Variants in GGT7 observed in about 807,000 individuals in gnomAD.
GGT7 encodes glutathione hydrolase 7.
Under a neutral mutation model 69.2 loss-of-function variants are expected in GGT7, and 30 were observed. That is an observed-to-expected ratio of 0.43 (90% confidence interval 0.32 to 0.59). The LOEUF (loss-of-function observed/expected upper bound fraction) is 0.59, where lower values mean the gene tolerates loss of function less well. GGT7 is among the 20% of genes least tolerant of loss of function. The pLI is 0.05. For synonymous variants in GGT7, 388 were observed against 391.8 expected, an observed-to-expected ratio of 0.99 and a Z score of 0.12; for missense variants, 733 against 901.1, an observed-to-expected ratio of 0.81 and a Z score of 2.39.
intron 7 of GGT7, among the ~76,000 whole-genome samples, chr20:34,857,484 A>G (rs553938153): frequency 2.6e-5 from 4 of 152,244 alleles, no homozygotes; most frequent in African/African-American, 4.8e-5. Flanking sequence ...GTACAAACCA[A>G]TGGGCTCATT....
intron 1 of GGT7, among the ~76,000 whole-genome samples, chr20:34,871,750 G>A (rs2079782136): frequency 6.6e-6 from 1 of 152,232 alleles, no homozygotes. Flanking sequence ...GAGTGAGGTA[G>A]AAGGATGCTC....
chr20:34,862,450 G>A (rs2079613157), intron 3 of GGT7, among the ~76,000 whole-genome samples: 1 of 152,148 alleles, frequency 6.6e-6, no homozygotes, highest in Non-Finnish European at 1.5e-5. Flanking sequence ...TTGGAGGACA[G>A]AGGGTGCAAG....
Position 34,861,631 on chromosome 20 carries a change from C to T in GGT7, c.558-69G>A, listed in dbSNP as rs1208374242. ...CCCTCTGTACAATGAATCTGCTGCC[C>T]CTCCACCCCCAGTGGTGAGAGCTGT... On this transcript the variant is annotated intron_variant, in intron 3 of 14. Transcript: ENST00000336431. The T allele has an allele frequency of 1.3e-5, 12 of 935,422 alleles. 1 individual carries two copies. Among genetic ancestry groups the T allele is most frequent in the Middle Eastern group, 3.8e-4 (1 of 2,620 alleles). The allele number at this position is 935,422 out of a possible 1,614,324, so 57.9% of individuals were successfully genotyped here.
intron 14 of GGT7, among the ~76,000 whole-genome samples, chr20:34,847,039 TTTACC>T (rs1325440562): frequency 6.6e-6 from 1 of 152,196 alleles, no homozygotes; most frequent in Non-Finnish European, 1.5e-5. Context: ...CCCTACCATC[TTTACC>T]TTGTTTGGTT....
intron 3 of GGT7, among the ~76,000 whole-genome samples, chr20:34,861,936 C>G (rs11698996): frequency 0.27 from 40,449 of 152,090 alleles, 6,837 homozygotes; most frequent in Non-Finnish European, 0.37. Context: ...TTGCCCCTCC[C>G]CCAGGACTGG....
chr20:34,863,827 C>A lies in GGT7; in HGVS notation c.170-279G>T, dbSNP rs1482139668. The A allele has an allele frequency of 3.1e-6, 2 of 654,882 alleles. No individual in the cohort carries two copies. The highest frequency in any genetic ancestry group is 2.9e-6 in the Non-Finnish European group (1 of 346,710). The allele number at this position is 654,882 out of a possible 1,614,324, so 40.6% of individuals were successfully genotyped here. On this transcript the variant is annotated intron_variant, in intron 1 of 14. Coordinates refer to ENST00000336431, the MANE Select transcript of GGT7 (RefSeq NM_178026.3). This position sits in a 1 kb window ranked among gnomAD's most constrained non-coding sequence, Gnocchi z 4.4. The stretch of plus-strand genomic sequence containing the variant: ...GCCAAATTTCCTGGCACCCAGGGCC[C>A]AGGGCTGAGAACACTTCCTGGGGGG...
At chr20:34,848,486 T>C (rs1484183092) in intron 14 of GGT7, among the ~76,000 whole-genome samples, 1 of 152,184 alleles carries the variant, frequency 6.6e-6, no homozygotes. Context: ...CCAAATAACT[T>C]AGCACAGAGC....
At chr20:34,870,439 A>T (rs1205354586) in intron 1 of GGT7, among the ~76,000 whole-genome samples, 1 of 152,124 alleles carries the variant, frequency 6.6e-6, no homozygotes, top group Non-Finnish European at 1.5e-5. Context: ...TTCATTCAAC[A>T]ATTATTGAGT....
intron 10 of GGT7, 115 bp downstream of exon 10, chr20:34,854,416 G>A: frequency 1.6e-6 from 1 of 643,658 alleles, no homozygotes; most frequent in Non-Finnish European, 2.8e-6. Context: ...TTGGGGTTGA[G>A]CTGAAATTGA....
intron 14 of GGT7, among the ~76,000 whole-genome samples, chr20:34,849,663 C>T (rs923331817): frequency 2.0e-5 from 3 of 152,160 alleles, no homozygotes; most frequent in South Asian, 2.1e-4. Flanking sequence ...GGAACACGTA[C>T]GTGTTCAATA....
In GGT7 at chr20:34,854,600, G is replaced by A; in HGVS notation, c.1250C>T (p.Ala417Val). The change falls in exon 10 of 15, where the codon GCC (alanine) becomes GTC (valine). Residue 417 changes from alanine to valine, a missense_variant. Coordinates refer to ENST00000336431, the MANE Select transcript of GGT7 (RefSeq NM_178026.3). ...WVAETLKIALALASRLGDPVY... is the reference protein window; with the variant it reads ...WVAETLKIALVLASRLGDPVY... ...GGGATCTCCCAGTCTGCTGGCCAGG[G>A]CTAATGCAATCTTCAGGGTCTGAAA... The A allele has an allele frequency of 1.9e-6, 3 of 1,612,476 alleles. No homozygotes were observed. The highest frequency in any genetic ancestry group is 1.7e-6 in the Non-Finnish European group (2 of 1,178,598).
At chr20:34,867,187 A>G (rs913827337) in intron 1 of GGT7, among the ~76,000 whole-genome samples, 7 of 152,128 alleles carry the variant, frequency 4.6e-5, no homozygotes, top group Non-Finnish European at 1.0e-4. Flanking sequence ...AGCCTCCCAA[A>G]GTGTTGGGAT....
At position 34,852,379 on chromosome 20, in the gene GGT7, G is replaced by C; in HGVS notation, c.1469+10C>G. ...CCCTTGTTCCAGGTTCTGAGTCTGAGCTGGCATACCTAACCATGGCCACAA... is the reference window on the plus strand; with the variant it reads ...CCCTTGTTCCAGGTTCTGAGTCTGACCTGGCATACCTAACCATGGCCACAA... On this transcript the variant is annotated intron_variant, in intron 11 of 14. Transcript: ENST00000336431. 1.2e-6 allele frequency: 2 copies of C among 1,613,892 alleles called. No individual in the cohort carries two copies. Among genetic ancestry groups the C allele is most frequent in the Non-Finnish European group, 1.7e-6 (2 of 1,179,822 alleles).
rs753931550 is a variant in GGT7 at position 34,845,467 on chromosome 20, T to C, written c.1850A>G (p.Glu617Gly). 1.9e-6 allele frequency: 3 copies of C among 1,614,026 alleles called. No homozygotes were observed. The South Asian group carries it at 3.3e-5, about 18-fold the overall frequency. Residue 617 changes from glutamate (E) to glycine (G), a missense_variant, in exon 15 of 15, where the codon GAG becomes GGG. Physicochemically the swap from Glu to Gly is moderately conservative, Grantham distance 98. Transcript: ENST00000336431. ...GTGGTGACCCCTGGCTTCCAGGAAC[T>C]CAATCTCTTCCTCTGTGAACTCACC... The part of the protein sequence containing the change: ...VDSEFTEEEI[E>G]FLEARGHHVE...
At position 34,872,516 on chromosome 20, in the gene GGT7, GAGA is replaced by G. The variant is rs1465620658; in HGVS notation, c.169+128_169+130del. On this transcript the variant is annotated intron_variant, in intron 1 of 14. Transcript: ENST00000336431. ...CACCAAATAATTAACAGAGACAAGGGAGAAGAAGGGAGAGATCCAAGAAGATGG... is the reference window on the plus strand; with the variant it reads ...CACCAAATAATTAACAGAGACAAGGGAGAAGGGAGAGATCCAAGAAGATGG... 9 of 624,244 alleles carry G rather than the reference GAGA, an allele frequency of 1.4e-5. No individual in the cohort carries two copies. The East Asian group carries it at 2.1e-4, about 14-fold the overall frequency. 38.7% of individuals were successfully genotyped at this position (624,244 alleles called of 1,614,324 possible). A position where few individuals can be genotyped will look rare whatever the true frequency, so the allele number is the denominator to read the frequency against.
chr20:34,849,559 G>GT (rs2079355663), intron 14 of GGT7, among the ~76,000 whole-genome samples: 1 of 152,128 alleles, frequency 6.6e-6, no homozygotes, highest in Non-Finnish European at 1.5e-5. Context: ...TGCTTTGACA[G>GT]TTGGCAGAGC....
intron 10 of GGT7, among the ~76,000 whole-genome samples, chr20:34,853,399 C>T (rs2079433195): frequency 1.4e-5 from 2 of 146,884 alleles, no homozygotes; most frequent in African/African-American, 5.1e-5. Flanking sequence ...GCAAAGTTTG[C>T]ATTGACCTTA....
rs867410918 is a variant in GGT7 at position 34,872,791 on chromosome 20, G to T, written c.25C>A (p.Gln9Lys). 7.2e-7 allele frequency: 1 copy of T among 1,380,290 alleles called. No individual in the cohort carries two copies. The highest frequency in any genetic ancestry group is 3.0e-5 in the East Asian group (1 of 33,522). The allele number at this position is 1,380,290 out of a possible 1,614,324, so 85.5% of individuals were successfully genotyped here. A position where few individuals can be genotyped will look rare whatever the true frequency, so the allele number is the denominator to read the frequency against. MAAENEAS[Q>K]ESALGAYSPV... ...GAGTAGGCGCCCAGGGCGCTCTCCT[G>T]GCTGGCCTCGTTCTCCGCCGCCATC... The change falls in exon 1 of 15, where the codon CAG becomes AAG. Residue 9 changes from glutamine (Q) to lysine (K), a missense_variant. Physicochemically the swap from Gln to Lys is moderately conservative, Grantham distance 53. Coordinates refer to ENST00000336431, the MANE Select transcript of GGT7 (RefSeq NM_178026.3).
At chr20:34,857,031 AC>A in intron 7 of GGT7, 138 bp from the exon 8 acceptor site, 1 of 677,576 alleles carries the variant, frequency 1.5e-6, no homozygotes, top group Non-Finnish European at 2.7e-6. Flanking sequence ...GCCTTTAGAG[AC>A]CCCATTATCC....
Sources: allele counts gnomAD v4.1 joint callset (sites outside exome capture counted in the v4.1 genomes callset), GRCh38; gene constraint gnomAD v4.1.1; non-coding constraint Gnocchi (gnomAD v3.1); transcripts MANE v1.5; gene names NCBI Gene and HGNC (gene_info 2026-07-23, HGNC 2026-07-21).